Variants in RBMS3 observed in about 807,000 individuals in gnomAD.
The protein encoded by RBMS3 is RNA-binding motif, single-stranded-interacting protein 3.
Under a neutral mutation model 66.8 loss-of-function variants are expected in RBMS3, and 27 were observed. The observed-to-expected ratio is 0.40, with a 90% CI of 0.30 to 0.56. The LOEUF is 0.56. Among genes scored for constraint, RBMS3 ranks in the 20% least tolerant of loss-of-function variants. RBMS3 has a pLI of 0.40. For missense variants in RBMS3, 513 were observed against 549.5 expected (o/e 0.93, Z 0.66); for synonymous variants, 188 against 183.0 (o/e 1.03, Z -0.22).
chr3:29,784,576 A>G (rs1034972838), intron 6 of RBMS3, among the ~76,000 whole-genome samples: 2 of 152,138 alleles, frequency 1.3e-5, no homozygotes, highest in African/African-American at 4.8e-5. Context: ...TGCCTACATC[A>G]AAAAGTCTGA....
chr3:29,563,610 T>C (rs1031849584), intron 3 of RBMS3, among the ~76,000 whole-genome samples: 5 of 152,216 alleles, frequency 3.3e-5, no homozygotes, highest in Non-Finnish European at 7.3e-5. Flanking sequence ...ATTCAATTAA[T>C]ATTTATTGAG....
chr3:29,734,524 C>A (rs954130807), intron 4 of RBMS3, among the ~76,000 whole-genome samples: 1 of 151,962 alleles, frequency 6.6e-6, no homozygotes, highest in African/African-American at 2.4e-5. Flanking sequence ...TACATTTGTA[C>A]AATTATTACT....
chr3:29,496,195 C>CAAAAAAAAAA (rs60639896), intron 3 of RBMS3, among the ~76,000 whole-genome samples: 1 of 110,488 alleles, frequency 9.1e-6, no homozygotes, highest in Non-Finnish European at 2.0e-5. Context: ...CCGCCCACAT[C>CAAAAAAAAAA]AAAAAAAAAA....
Position 29,627,087 on chromosome 3 carries a change from C to T in RBMS3, c.399+39882C>T, listed in dbSNP as rs77383851. Among the ~76,000 whole-genome samples the T allele has an allele frequency of 2.1e-3, 319 of 152,122 alleles. 3 individuals carry two copies. The highest frequency in any genetic ancestry group is 7.4e-3 in the African/African-American group (309 of 41,502). On this transcript the variant is annotated intron_variant, in intron 4 of 14. Coordinates refer to ENST00000383767, the MANE Select transcript of RBMS3 (RefSeq NM_001003793.3). ...ATATCTACCTCTTTCATTACTGTGA[C>T]GGATTTAATAAGATGAAGTGACTTC...
intron 12 of RBMS3, among the ~76,000 whole-genome samples, chr3:29,963,949 T>G (rs961245401): frequency 2.0e-5 from 3 of 152,178 alleles, no homozygotes; most frequent in African/African-American, 4.8e-5. Flanking sequence ...GAAAACCTAT[T>G]TAGCTTGGCT....
chr3:29,552,434 G>T (rs1017972871), intron 3 of RBMS3, among the ~76,000 whole-genome samples: 1 of 152,046 alleles, frequency 6.6e-6, no homozygotes, highest in African/African-American at 2.4e-5. Context: ...AATCTTCCCC[G>T]CAGCCTGACT....
In RBMS3 at chr3:29,974,519, A is replaced by G. The variant is rs547333841; in HGVS notation, c.1099-13624A>G. Among the ~76,000 whole-genome samples the G allele has an allele frequency of 1.3e-4, 20 of 152,000 alleles. No homozygotes were observed. In the East Asian group the frequency reaches 3.7e-3, roughly 28 times the overall value. On this transcript the variant is annotated intron_variant, in intron 12 of 14. Coordinates refer to ENST00000383767, the MANE Select transcript of RBMS3 (RefSeq NM_001003793.3). ...CAGCTCAATAAATTTTACAAAGTGT[A>G]AACATTCATGGATCCATCATCCACA...
At position 29,880,636 on chromosome 3, in the gene RBMS3, C is replaced by G. The variant is rs988758796; in HGVS notation, c.745-3526C>G. On this transcript the variant is annotated intron_variant, in intron 7 of 14. Transcript: ENST00000383767. Reference sequence around the variant, plus strand: ...ACATGAAGTGGAAACCAGGTGTATCCAAGTGTTAGTTATTGTGCTATTATA... The same window carrying G: ...ACATGAAGTGGAAACCAGGTGTATCGAAGTGTTAGTTATTGTGCTATTATA... 3 of 696,422 alleles carry G rather than the reference C, an allele frequency of 4.3e-6. No individual in the cohort carries two copies. In the African/African-American group the frequency reaches 5.3e-5, roughly 12 times the overall value. The allele number at this position is 696,422 out of a possible 1,614,324, so 43.1% of individuals were successfully genotyped here.
intron 6 of RBMS3, among the ~76,000 whole-genome samples, chr3:29,776,910 A>G (rs1385568047): frequency 6.6e-6 from 1 of 151,932 alleles, no homozygotes; most frequent in Non-Finnish European, 1.5e-5. Flanking sequence ...AGATAATTGG[A>G]AAGAGTATAG....
intron 4 of RBMS3, among the ~76,000 whole-genome samples, chr3:29,606,106 T>C (rs370551696): frequency 1.9e-4 from 29 of 151,902 alleles, no homozygotes; most frequent in African/African-American, 6.7e-4. Flanking sequence ...ACTCCAGTAC[T>C]GTGAGGTTGC....
intron 8 of RBMS3, among the ~76,000 whole-genome samples, chr3:29,889,584 T>C (rs2059951035): frequency 6.6e-6 from 1 of 151,706 alleles, no homozygotes; most frequent in Non-Finnish European, 1.5e-5. Context: ...TAAAGGAACC[T>C]GGTGTGGTAC....
intron 6 of RBMS3, among the ~76,000 whole-genome samples, chr3:29,864,974 GAGGGAGGGAGGAAGGAAGGAAGGGA>G (rs2059317609): frequency 1.8e-5 from 2 of 111,708 alleles, no homozygotes; most frequent in Non-Finnish European, 3.8e-5. Context: ...GGAAGGAAGG[GAGGGAGGGAGGAAGGAAGGAAGGGA>G]AGGGAAAGGA....
chr3:29,387,989 C>G (rs1054560600), intron 1 of RBMS3, among the ~76,000 whole-genome samples: 1 of 152,000 alleles, frequency 6.6e-6, no homozygotes, highest in African/African-American at 2.4e-5. Flanking sequence ...CCACTCCCAC[C>G]CTCATTTATC....
intron 10 of RBMS3, among the ~76,000 whole-genome samples, chr3:29,901,162 G>A (rs1269617092): frequency 4.6e-5 from 7 of 151,618 alleles, no homozygotes; most frequent in Non-Finnish European, 8.8e-5. Context: ...ATACCACTAT[G>A]CAACAAATCC....
intron 2 of RBMS3, among the ~76,000 whole-genome samples, chr3:29,463,987 T>C (rs77125720): frequency 0.032 from 4,811 of 152,224 alleles, 254 homozygotes; most frequent in African/African-American, 0.11. Flanking sequence ...TCAAATACAT[T>C]GTTTAGTGAA....
intron 3 of RBMS3, among the ~76,000 whole-genome samples, chr3:29,554,300 T>C (rs2046273636): frequency 6.6e-6 from 1 of 152,222 alleles, no homozygotes; most frequent in African/African-American, 2.4e-5. Context: ...ACTATTCTCT[T>C]AGCCTTTGGC....
At chr3:29,445,079 A>C (rs2041775025) in intron 2 of RBMS3, among the ~76,000 whole-genome samples, 1 of 151,734 alleles carries the variant, frequency 6.6e-6, no homozygotes, top group African/African-American at 2.4e-5. Flanking sequence ...GTACACTTCC[A>C]GATTTTTAAG....
chr3:29,505,512 T>C (rs949952181), intron 3 of RBMS3, among the ~76,000 whole-genome samples: 1 of 117,284 alleles, frequency 8.5e-6, no homozygotes, highest in Non-Finnish European at 1.7e-5. Flanking sequence ...TTTTGTTTTT[T>C]TTTTTTGTTG....
At position 29,445,305 on chromosome 3, in the gene RBMS3, G is replaced by C. The variant is rs576949769; in HGVS notation, c.248+10390G>C. On this transcript the variant is annotated intron_variant, in intron 2 of 14. Coordinates refer to ENST00000383767, the MANE Select transcript of RBMS3 (RefSeq NM_001003793.3). ...GTTCTGAATATGAAGCTCTTTTATTGTGTAGATCCCAAGGAGAGTTTTGAA... is the reference window on the plus strand; with the variant it reads ...GTTCTGAATATGAAGCTCTTTTATTCTGTAGATCCCAAGGAGAGTTTTGAA... Among the ~76,000 whole-genome samples, 263 of 151,962 alleles carry C rather than the reference G, an allele frequency of 1.7e-3. 1 individual carries two copies. The highest frequency in any genetic ancestry group is 5.5e-3 in the African/African-American group (229 of 41,490).
Sources: allele counts gnomAD v4.1 joint callset (sites outside exome capture counted in the v4.1 genomes callset), GRCh38; gene constraint gnomAD v4.1.1; transcripts MANE v1.5; gene names NCBI Gene and HGNC (gene_info 2026-07-23, HGNC 2026-07-21).